TTC39C: variants seen among roughly 807,000 people sequenced by gnomAD.
TTC39C encodes the protein tetratricopeptide repeat domain 39C.
In TTC39C, 33 loss-of-function variants were observed where a neutral mutation model predicts 76.3. The observed-to-expected ratio is 0.43, with a 90% CI of 0.33 to 0.58. TTC39C has a LOEUF of 0.58. TTC39C is among the 20% of genes least tolerant of loss of function. The pLI is 0.04. For synonymous variants in TTC39C, 254 were observed against 260.6 expected (o/e 0.97, Z 0.24); for missense variants, 595 against 701.4 (o/e 0.85, Z 1.71).
At chr18:23,995,627 A>C (rs2083255119) in intron 1 of TTC39C, among the ~76,000 whole-genome samples, 1 of 152,148 alleles carries the variant, frequency 6.6e-6, no homozygotes, top group Non-Finnish European at 1.5e-5. Context: ...GGCTATTACA[A>C]ATAAAGCTGC....
At chr18:24,066,324 A>G (rs1294469182) in intron 3 of TTC39C, among the ~76,000 whole-genome samples, 184 bp downstream of exon 3, 1 of 152,204 alleles carries the variant, frequency 6.6e-6, no homozygotes, top group Non-Finnish European at 1.5e-5. Flanking sequence ...AGCTGCTTTC[A>G]GTCATCCAGA....
intron 1 of TTC39C, among the ~76,000 whole-genome samples, chr18:23,996,756 G>A (rs1382180424): frequency 6.6e-6 from 1 of 152,198 alleles, no homozygotes; most frequent in Non-Finnish European, 1.5e-5. Flanking sequence ...GACCTATCTT[G>A]CTCAAGGAAG....
rs894530940 is a variant in TTC39C at position 24,134,316 on chromosome 18, C to G, written c.*1742C>G. Reference sequence around the variant, plus strand: ...TGAGACGGAGTCTCGCTCTGTCACCCAGGCTGGAGTGCAGTGGCGTGATCT... The same window carrying G: ...TGAGACGGAGTCTCGCTCTGTCACCGAGGCTGGAGTGCAGTGGCGTGATCT... On this transcript the variant is annotated 3_prime_UTR_variant, in exon 14 of 14. Transcript: ENST00000317571. 1.6e-5 allele frequency: 2 copies of G among 127,832 alleles called. No individual in the cohort carries two copies. Among genetic ancestry groups the G allele is most frequent in the African/African-American group, 5.9e-5 (2 of 34,158 alleles). 7.9% of individuals were successfully genotyped at this position (127,832 alleles called of 1,614,324 possible). A position where few individuals can be genotyped will look rare whatever the true frequency, so the allele number is the denominator to read the frequency against.
chr18:23,995,279 C>G (rs2083252180), intron 1 of TTC39C, among the ~76,000 whole-genome samples: 1 of 152,078 alleles, frequency 6.6e-6, no homozygotes, highest in Non-Finnish European at 1.5e-5. Context: ...ACCAGCCTGG[C>G]TAGCATGTCG....
Position 24,133,418 on chromosome 18 carries a change from C to G in TTC39C, c.*844C>G, listed in dbSNP as rs2085160035. On this transcript the variant is annotated 3_prime_UTR_variant, in exon 14 of 14. Transcript: ENST00000317571. Reference sequence around the variant, plus strand: ...TACAACTAAAAGTGTGACTCTTTTGCTAATCTATTAGCCTAGTCTATAGAT... The same window carrying G: ...TACAACTAAAAGTGTGACTCTTTTGGTAATCTATTAGCCTAGTCTATAGAT... The G allele has an allele frequency of 6.6e-6, 1 of 152,182 alleles. No homozygotes were observed. Among genetic ancestry groups the G allele is most frequent in the Non-Finnish European group, 1.5e-5 (1 of 68,030 alleles). The allele number at this position is 152,182 out of a possible 1,614,324, so 9.4% of individuals were successfully genotyped here.
chr18:24,076,897 G>C (rs748647005), intron 4 of TTC39C: 1 of 152,094 alleles, frequency 6.6e-6, no homozygotes, highest in Non-Finnish European at 1.5e-5. Flanking sequence ...TTTTCACCGT[G>C]GAGGTTTCTG....
intron 6 of TTC39C, among the ~76,000 whole-genome samples, chr18:24,101,593 G>A (rs916746482): frequency 2.0e-5 from 3 of 151,122 alleles, no homozygotes; most frequent in Admixed American, 2.0e-4. Flanking sequence ...CAGCTTGCCC[G>A]TTGAACACCT....
intron 1 of TTC39C, among the ~76,000 whole-genome samples, chr18:24,038,093 C>T (rs2083752287): frequency 6.6e-6 from 1 of 152,070 alleles, no homozygotes; most frequent in Admixed American, 6.6e-5. Flanking sequence ...CCAAATTCTG[C>T]AGAGGGTGAT....
chr18:24,073,744 T>C (rs1032124016), intron 4 of TTC39C, among the ~76,000 whole-genome samples: 1 of 152,224 alleles, frequency 6.6e-6, no homozygotes, highest in Non-Finnish European at 1.5e-5. Context: ...GGTCTTGAAC[T>C]CCTGGGCTCA....
In TTC39C at chr18:24,117,651, G is replaced by A. The variant is rs150894765; in HGVS notation, c.1079-474G>A. Among the ~76,000 whole-genome samples, 1,357 of 150,956 alleles carry A rather than the reference G, an allele frequency of 9.0e-3. 8 individuals carry two copies. Among genetic ancestry groups the A allele is most frequent in the Middle Eastern group, 0.055 (16 of 292 alleles). On this transcript the variant is annotated intron_variant, in intron 7 of 13. Coordinates refer to ENST00000317571, the MANE Select transcript of TTC39C (RefSeq NM_001135993.2). Reference sequence around the variant, plus strand: ...CAGGGAGCAGAGGTTGCAGTGAGCCGAGATCGTGCCATTGCACTCCAACCT... The same window carrying A: ...CAGGGAGCAGAGGTTGCAGTGAGCCAAGATCGTGCCATTGCACTCCAACCT...
intron 1 of TTC39C, chr18:24,022,591 G>A (rs1051327197): frequency 1.0e-6 from 1 of 985,356 alleles, no homozygotes; most frequent in Non-Finnish European, 1.2e-6. Flanking sequence ...CCATTTTGGG[G>A]CAAGTTCCTT....
intron 1 of TTC39C, among the ~76,000 whole-genome samples, chr18:24,055,666 T>G (rs950583552): frequency 6.6e-6 from 1 of 152,196 alleles, no homozygotes; most frequent in African/African-American, 2.4e-5. Flanking sequence ...TTGCAAATAT[T>G]TTCTCCAGTT....
At chr18:24,067,172 A>C (rs566364668) in intron 3 of TTC39C, among the ~76,000 whole-genome samples, 2 of 152,362 alleles carry the variant, frequency 1.3e-5, no homozygotes, top group South Asian at 4.1e-4. Flanking sequence ...AGAATGCAGA[A>C]TGTTCTATTC....
intron 6 of TTC39C, among the ~76,000 whole-genome samples, chr18:24,083,773 C>A (rs968075896): frequency 3.9e-5 from 6 of 152,040 alleles, no homozygotes; most frequent in African/African-American, 1.4e-4. Context: ...CTTTGCATAT[C>A]TTTTTATCTG....
chr18:24,075,699 A>C (rs1008896200), intron 4 of TTC39C, among the ~76,000 whole-genome samples: 28 of 150,492 alleles, frequency 1.9e-4, no homozygotes, highest in African/African-American at 4.2e-4. Flanking sequence ...AAAAAAAAAA[A>C]AAAACAAAAA....
intron 4 of TTC39C, among the ~76,000 whole-genome samples, chr18:24,073,357 G>C (rs2084264124): frequency 6.6e-6 from 1 of 152,122 alleles, no homozygotes; most frequent in African/African-American, 2.4e-5. Context: ...ACCTCATCTA[G>C]CTGAGCTGAG....
Position 24,097,645 on chromosome 18 carries a change from G to A in TTC39C, c.984+14564G>A, listed in dbSNP as rs78906277. On this transcript the variant is annotated intron_variant, in intron 6 of 13. Coordinates refer to ENST00000317571, the MANE Select transcript of TTC39C (RefSeq NM_001135993.2). Reference sequence around the variant, plus strand: ...TTTTCTTTGCAAATCTGTGTAGATGGTCTGCCACCATGGGCTTCATCTTCA... The same window carrying A: ...TTTTCTTTGCAAATCTGTGTAGATGATCTGCCACCATGGGCTTCATCTTCA... 0.022 allele frequency among the ~76,000 whole-genome samples: 3,346 copies of A among 151,036 alleles called. 203 individuals carry two copies. The East Asian group carries it at 0.23, about 10-fold the overall frequency.
At position 24,080,589 on chromosome 18, in the gene TTC39C, T is replaced by C. The variant is rs1156502150; in HGVS notation, c.465T>C (p.Tyr155=). ...TTTCTCCCCTTCTCTTTTTAGCTTA[T>C]ATCAAAGGTGGGTGGATCCTTAGGA... ...LSFVKQELSA[Y]IKGGWILRKA... is the part of the protein sequence containing the mutation. The change falls in exon 5 of 14, where the codon TAT becomes TAC. Residue 155 remains tyrosine, a synonymous_variant. Coordinates refer to ENST00000317571, the MANE Select transcript of TTC39C (RefSeq NM_001135993.2). 5 of 1,594,062 alleles carry C rather than the reference T, an allele frequency of 3.1e-6. No homozygotes were observed. The highest frequency in any genetic ancestry group is 8.5e-7 in the Non-Finnish European group (1 of 1,171,402).
chr18:24,006,185 G>T (rs532101993), intron 1 of TTC39C, among the ~76,000 whole-genome samples: 1 of 151,860 alleles, frequency 6.6e-6, no homozygotes, highest in Non-Finnish European at 1.5e-5. Context: ...GCTAATTTTT[G>T]TATTTTTTAT....
Sources: gnomAD v4.1 joint callset for allele counts (sites outside exome capture counted in the v4.1 genomes callset) on GRCh38, gnomAD v4.1.1 for gene constraint, MANE v1.5 for transcripts, NCBI Gene and HGNC (gene_info 2026-07-23, HGNC 2026-07-21) for gene names.